The following C1orf35 variants were observed in gnomAD, a reference collection of about 807,000 sequenced individuals.
The protein encoded by C1orf35 is multiple myeloma tumor-associated protein 2.
In C1orf35, 36 loss-of-function variants were observed where a neutral mutation model predicts 30.9. The observed-to-expected ratio is 1.16, with a 90% CI of 0.89 to 1.54. The LOEUF is 1.54. C1orf35 is among the 40% of genes most tolerant of loss of function. The pLI, the probability that C1orf35 is intolerant of heterozygous loss-of-function variation, is 0.00. For missense variants in C1orf35, 396 were observed against 358.7 expected, an observed-to-expected ratio of 1.10 and a Z score of -0.84; for synonymous variants, 179 against 148.2, an observed-to-expected ratio of 1.21 and a Z score of -1.51.
rs767831891 is a variant in C1orf35 at position 228,102,107 on chromosome 1, G to C, written c.506C>G (p.Pro169Arg). The C allele has an allele frequency of 1.9e-6, 3 of 1,583,442 alleles. No individual in the cohort carries two copies. The African/African-American group carries it at 4.0e-5, about 21-fold the overall frequency. The change falls in exon 6 of 8, where the codon CCG (proline) becomes CGG (arginine). Residue 169 changes from proline (P) to arginine (R), a missense_variant. Pro to Arg is a moderately radical substitution (Grantham distance 103, BLOSUM62 -2). Transcript: ENST00000272139. ...GCTTTCCGTCTGATCCTCCGCCCGC[G>C]GCTTCCTCCTGGCCGAGGCTGCCGA... The part of the protein sequence containing the change: ...GTSAASARRK[P>R]RAEDQTESSC...
Position 228,102,892 on chromosome 1 carries a change from C to A in C1orf35, c.245+7G>T. ...GGCACCGACCGCTGCCGTCCGCGGA[C>A]ACTCACAGGGCGGCCAGCAGCGCCT... On this transcript the variant is annotated splice_region_variant and intron_variant, in intron 2 of 7. Coordinates refer to ENST00000272139, the MANE Select transcript of C1orf35 (RefSeq NM_024319.4). The A allele has an allele frequency of 7.1e-7, 1 of 1,416,724 alleles. No homozygotes were observed. Among genetic ancestry groups the A allele is most frequent in the Middle Eastern group, 2.5e-4 (1 of 4,066 alleles). 87.8% of individuals were successfully genotyped at this position (1,416,724 alleles called of 1,614,324 possible).
rs1264826648 is a variant in C1orf35 at position 228,102,660 on chromosome 1, T to TG, written c.273dup (p.Thr92HisfsTer89). On this transcript the variant is annotated frameshift_variant, in exon 3 of 8. Transcript: ENST00000272139. LOFTEE classifies it high-confidence loss of function. ...GGAGTTACCTCCTTGCTCAGGCCCG[T>TG]GGGCTGCTTCTTCACGTTCTTGTAG... 6.2e-7 allele frequency: 1 copy of TG among 1,608,316 alleles called. No homozygotes were observed. Among genetic ancestry groups the TG allele is most frequent in the South Asian group, 1.1e-5 (1 of 90,312 alleles).
Position 228,101,246 on chromosome 1 carries a change from TGCCTGG to T in C1orf35, c.671_676del (p.Pro224_Arg225del). On this transcript the variant is annotated inframe_deletion and splice_region_variant, in exon 8 of 8. Coordinates refer to ENST00000272139, the MANE Select transcript of C1orf35 (RefSeq NM_024319.4). Reference sequence around the variant, plus strand: ...GTTGGAGTCGGAGTCATGGTGGTGGTGCCTGGGCCTGGGGAGACCAATGGCAGTCAG... The same window carrying T: ...GTTGGAGTCGGAGTCATGGTGGTGGTGCCTGGGGAGACCAATGGCAGTCAG... 6.2e-7 allele frequency: 1 copy of T among 1,614,132 alleles called. No individual in the cohort carries two copies. The highest frequency in any genetic ancestry group is 8.5e-7 in the Non-Finnish European group (1 of 1,180,026).
At position 228,101,395 on chromosome 1, in the gene C1orf35, T is replaced by TTTC. The variant is rs370819690; in HGVS notation, c.609_611dup (p.Lys204dup). ...CAGCTGGCCGCCTGTGCTCTTTGTC[T>TTTC]TTCTTCTTCTTCTCTTTCTTGTGTT... On this transcript the variant is annotated inframe_insertion, in exon 7 of 8. Coordinates refer to ENST00000272139, the MANE Select transcript of C1orf35 (RefSeq NM_024319.4). The TTTC allele has an allele frequency of 3.7e-5, 59 of 1,613,892 alleles. No individual in the cohort carries two copies. The highest frequency in any genetic ancestry group is 4.8e-5 in the Non-Finnish European group (57 of 1,180,000).
At chr1:228,102,225 A>G in intron 5 of C1orf35, 60 bp from the exon 6 acceptor site, 37 of 1,563,512 alleles carry the variant, frequency 2.4e-5, no homozygotes, top group Non-Finnish European at 3.2e-5. Context: ...CACGCCCCGC[A>G]GCGCCCCGGG....
chr1:228,101,694 C>T, intron 6 of C1orf35: 2 of 1,431,978 alleles, frequency 1.4e-6, no homozygotes, highest in Non-Finnish European at 1.8e-6. Context: ...ACGCCCCTGC[C>T]CCACCCCAGC....
In C1orf35 at chr1:228,101,683, C is replaced by T. The variant is rs1434415691; in HGVS notation, c.534-210G>A. 4.9e-6 allele frequency: 7 copies of T among 1,436,662 alleles called. No homozygotes were observed. In the African/African-American group the frequency reaches 5.7e-5, roughly 12 times the overall value. The allele number at this position is 1,436,662 out of a possible 1,614,324, so 89.0% of individuals were successfully genotyped here. Reference sequence around the variant, plus strand: ...AGATGCAATATCCCCATCTCCACAGCACGCCCCTGCCCCACCCCAGCCGTG... The same window carrying T: ...AGATGCAATATCCCCATCTCCACAGTACGCCCCTGCCCCACCCCAGCCGTG... On this transcript the variant is annotated intron_variant, in intron 6 of 7. Transcript: ENST00000272139.
Position 228,102,998 on chromosome 1 carries a change from G to C in C1orf35, c.146C>G (p.Thr49Ser). ...TGGCGCCCGGCCCTTGGCGTACCAG[G>C]TGAGGTCGCGGCCCTTCTGCCAGCG... ...VGRWQKGRDL[T>S]WYAKGRAPCA... Residue 49 changes from threonine (T) to serine (S), a missense_variant, in exon 2 of 8, where the codon ACC becomes AGC. Transcript: ENST00000272139. 1 of 1,559,134 alleles carries C rather than the reference G, an allele frequency of 6.4e-7. No homozygotes were observed. Among genetic ancestry groups the C allele is most frequent in the East Asian group, 2.4e-5 (1 of 41,568 alleles).
chr1:228,102,374 A>C lies in C1orf35; in HGVS notation c.383T>G (p.Val128Gly). 1 of 1,610,690 alleles carries C rather than the reference A, an allele frequency of 6.2e-7. No individual in the cohort carries two copies. The highest frequency in any genetic ancestry group is 8.5e-7 in the Non-Finnish European group (1 of 1,179,512). The change falls in exon 5 of 8, where the codon GTG (valine) becomes GGG (glycine). Residue 128 changes from valine to glycine, a missense_variant. By Grantham distance (109) the Val-to-Gly change is moderately radical (BLOSUM62 -3). Transcript: ENST00000272139. The part of the protein sequence containing the change: ...LLGLGSASGS[V>G]GRVAMSREDK... ...CTCTCGGGACATCGCCACGCGGCCC[A>C]CGGAGCCACTGCAGGGACATGGCGA... is the stretch of plus-strand genomic sequence containing the variant.
At chr1:228,101,896 G>A (rs545453526) in intron 6 of C1orf35, 184 bp downstream of exon 6, 15 of 1,422,316 alleles carry the variant, frequency 1.1e-5, no homozygotes, top group Middle Eastern at 2.6e-4. Flanking sequence ...TCTCTTCAAG[G>A]GTGACCCGAG....
intron 2 of C1orf35, 103 bp downstream of exon 2, chr1:228,102,796 G>T: frequency 1.4e-6 from 2 of 1,417,724 alleles, no homozygotes; most frequent in South Asian, 1.5e-5. Context: ...AGTCCCCGCA[G>T]CCCCGCTCCC....
chr1:228,101,129 C>T lies in C1orf35; in HGVS notation c.*2G>A, dbSNP rs960779649. 23 of 1,612,732 alleles carry T rather than the reference C, an allele frequency of 1.4e-5. No individual in the cohort carries two copies. The Admixed American group carries it at 2.3e-4, about 16-fold the overall frequency. On this transcript the variant is annotated 3_prime_UTR_variant, in exon 8 of 8. Coordinates refer to ENST00000272139, the MANE Select transcript of C1orf35 (RefSeq NM_024319.4). ...ACAACAGCAGTGAGCAGGGTCCAGC[C>T]ATCAGGCCTCAGAGCCTCTGTCATG... is the stretch of plus-strand genomic sequence containing the variant.
At position 228,101,258 on chromosome 1, in the gene C1orf35, G is replaced by C; in HGVS notation, c.669-4C>G. ...GTCATGGTGGTGGTGCCTGGGCCTG[G>C]GGAGACCAATGGCAGTCAGTCACTC... On this transcript the variant is annotated splice_region_variant and splice_polypyrimidine_tract_variant and intron_variant, in intron 7 of 7. Transcript: ENST00000272139. The C allele has an allele frequency of 6.2e-7, 1 of 1,614,176 alleles. No individual in the cohort carries two copies. The highest frequency in any genetic ancestry group is 8.5e-7 in the Non-Finnish European group (1 of 1,180,036).
In C1orf35 at chr1:228,102,088, C is replaced by T. The variant is rs774728235; in HGVS notation, c.525G>A (p.Thr175=). ...ARRKPRAEDQ[T]ESSCESHRKS... ...AGGTGGCACAGCCTCACCTGCTTTC[C>T]GTCTGATCCTCCGCCCGCGGCTTCC... Residue 175 remains threonine, a synonymous_variant, in exon 6 of 8, where the codon ACG becomes ACA. Transcript: ENST00000272139. The T allele has an allele frequency of 1.3e-6, 2 of 1,580,808 alleles. No homozygotes were observed. Among genetic ancestry groups the T allele is most frequent in the South Asian group, 2.3e-5 (2 of 87,882 alleles).
Position 228,102,481 on chromosome 1 carries a change from G to A in C1orf35, c.371C>T (p.Ala124Val), listed in dbSNP as rs1385636324. 5 of 1,558,062 alleles carry A rather than the reference G, an allele frequency of 3.2e-6. No individual in the cohort carries two copies. The highest frequency in any genetic ancestry group is 4.3e-6 in the Non-Finnish European group (5 of 1,155,598). ...GVDRLLGLGS[A>V]SGSVGRVAMS... ...TCCCCTGGAAACCCGCCCGCACCTTGCGCTCCCCAGCCCCAGCAGCCGGTC... is the reference window on the plus strand; with the variant it reads ...TCCCCTGGAAACCCGCCCGCACCTTACGCTCCCCAGCCCCAGCAGCCGGTC... The change falls in exon 4 of 8, where the codon GCA becomes GTA. Residue 124 changes from alanine to valine, a missense_variant. Coordinates refer to ENST00000272139, the MANE Select transcript of C1orf35 (RefSeq NM_024319.4).
At chr1:228,101,934 T>A in intron 6 of C1orf35, 146 bp downstream of exon 6, 1 of 1,420,106 alleles carries the variant, frequency 7.0e-7, no homozygotes, top group Non-Finnish European at 9.2e-7. Flanking sequence ...AACCTAGGAG[T>A]AACTGGGACA....
At chr1:228,102,738 A>G in intron 2 of C1orf35, 50 bp from the exon 3 acceptor site, 1 of 1,571,754 alleles carries the variant, frequency 6.4e-7, no homozygotes, top group Non-Finnish European at 8.6e-7. Flanking sequence ...TCCTCCCACC[A>G]CAGGTCCTCA....
At chr1:228,101,958 G>A (rs1039642715) in intron 6 of C1orf35, 122 bp downstream of exon 6, 78 of 1,428,826 alleles carry the variant, frequency 5.5e-5, no homozygotes, top group Non-Finnish European at 6.3e-5. Flanking sequence ...AGTAAAGTAG[G>A]GCAGGCCACC....
At position 228,102,510 on chromosome 1, in the gene C1orf35, G is replaced by T; in HGVS notation, c.342C>A (p.Gly114=). ...TCCCCAGCCCCAGCAGCCGGTCCAC[G>T]CCCTTCTCCTCGGGGTCGCCTCCTT... ...KREGGDPEEK[G]VDRLLGLGSA... Residue 114 remains glycine, a synonymous_variant, in exon 4 of 8, where the codon GGC becomes GGA. Coordinates refer to ENST00000272139, the MANE Select transcript of C1orf35 (RefSeq NM_024319.4). The T allele has an allele frequency of 6.4e-7, 1 of 1,558,690 alleles. No homozygotes were observed.
Sources: allele counts gnomAD v4.1 joint callset, GRCh38; gene constraint gnomAD v4.1.1; transcripts MANE v1.5; gene names NCBI Gene and HGNC (gene_info 2026-07-23, HGNC 2026-07-21).